Variants in CNTNAP2 observed in about 807,000 individuals in gnomAD.
CNTNAP2 encodes contactin-associated protein-like 2.
A neutral mutation model predicts 155.2 loss-of-function variants in CNTNAP2; 98 were observed. The observed-to-expected ratio is 0.63, with a 90% CI of 0.54 to 0.75. The LOEUF is 0.75. Ranked by LOEUF, CNTNAP2 falls within the 30% of genes least tolerant of loss-of-function variation. CNTNAP2 has a pLI of 0.00. For missense variants in CNTNAP2, 1,727 were observed against 1,688.1 expected, an observed-to-expected ratio of 1.02 and a Z score of -0.40; for synonymous variants, 651 against 631.2, an observed-to-expected ratio of 1.03 and a Z score of -0.47.
intron 12 of CNTNAP2, among the ~76,000 whole-genome samples, chr7:147,638,280 G>A (rs1795214934): frequency 6.6e-6 from 1 of 151,936 alleles, no homozygotes; most frequent in African/African-American, 2.4e-5. Flanking sequence ...ATTTCTCCAG[G>A]GATCCTAGTT....
Position 146,151,691 on chromosome 7 carries a change from T to TAA in CNTNAP2, c.97+34719_97+34720insAA, listed in dbSNP as rs1256935747. 2.8e-4 allele frequency among the ~76,000 whole-genome samples: 11 copies of TAA among 39,304 alleles called. 1 individual carries two copies. Among genetic ancestry groups the TAA allele is most frequent in the Non-Finnish European group, 4.0e-4 (8 of 19,980 alleles). 25.8% of individuals were successfully genotyped at this position (39,304 alleles called of 152,430 possible). A position where few individuals can be genotyped will look rare whatever the true frequency, so the allele number is the denominator to read the frequency against. On this transcript the variant is annotated intron_variant, in intron 1 of 23. Coordinates refer to ENST00000361727, the MANE Select transcript of CNTNAP2 (RefSeq NM_014141.6). The stretch of plus-strand genomic sequence containing the variant: ...ATATATATATATATATGTATATATA[T>TAA]ATATATGTATATATATATATATGTA...
chr7:146,310,720 G>T (rs1800805926), intron 1 of CNTNAP2, among the ~76,000 whole-genome samples: 1 of 152,040 alleles, frequency 6.6e-6, no homozygotes, highest in South Asian at 2.1e-4. Flanking sequence ...CTTGTAGTCA[G>T]ATAGCAGTGA....
chr7:147,229,121 A>G (rs531658899), intron 8 of CNTNAP2, among the ~76,000 whole-genome samples: 30 of 152,278 alleles, frequency 2.0e-4, no homozygotes, highest in African/African-American at 6.7e-4. Flanking sequence ...GAAAACCATT[A>G]CACTGGTTAA....
At chr7:147,614,594 T>A (rs1801246834) in intron 12 of CNTNAP2, among the ~76,000 whole-genome samples, 1 of 151,634 alleles carries the variant, frequency 6.6e-6, no homozygotes. Context: ...TCTCTACAAT[T>A]CTTAGGATAA....
chr7:148,166,871 G>A (rs566632284), intron 17 of CNTNAP2, among the ~76,000 whole-genome samples: 3 of 152,172 alleles, frequency 2.0e-5, no homozygotes, highest in Non-Finnish European at 2.9e-5. Context: ...TCTACAGAGC[G>A]CAGAAGTGGA....
At chr7:147,067,879 C>T (rs991465670) in intron 4 of CNTNAP2, among the ~76,000 whole-genome samples, 2 of 152,184 alleles carry the variant, frequency 1.3e-5, no homozygotes, top group Non-Finnish European at 2.9e-5. Flanking sequence ...TCTTATATGG[C>T]ACAATTTCCA....
At chr7:146,755,415 T>C (rs1401882407) in intron 1 of CNTNAP2, among the ~76,000 whole-genome samples, 5 of 152,022 alleles carry the variant, frequency 3.3e-5, no homozygotes, top group South Asian at 2.1e-4. Context: ...GTTATTGGTA[T>C]ACAGTGGCAT....
At chr7:147,747,879 C>A (rs1484320810) in intron 13 of CNTNAP2, among the ~76,000 whole-genome samples, 1 of 152,158 alleles carries the variant, frequency 6.6e-6, no homozygotes, top group African/African-American at 2.4e-5. Flanking sequence ...TCCTTGAGAG[C>A]AATTAATTAC....
At chr7:147,801,496 G>T (rs527986628) in intron 13 of CNTNAP2, among the ~76,000 whole-genome samples, 5 of 151,892 alleles carry the variant, frequency 3.3e-5, no homozygotes, top group South Asian at 2.1e-4. Context: ...GTGTCCCTGG[G>T]TACTTGAGAT....
intron 8 of CNTNAP2, among the ~76,000 whole-genome samples, chr7:147,140,966 A>C (rs1801580153): frequency 6.6e-6 from 1 of 152,134 alleles, no homozygotes; most frequent in Admixed American, 6.5e-5. Flanking sequence ...CCTCTTATCT[A>C]CTGCTAAGAT....
chr7:146,511,737 C>CT (rs1214607144), intron 1 of CNTNAP2, among the ~76,000 whole-genome samples: 1 of 152,038 alleles, frequency 6.6e-6, no homozygotes, highest in Non-Finnish European at 1.5e-5. Flanking sequence ...CTGCACTTTC[C>CT]TTTTTTGTGT....
chr7:147,003,779 T>G (rs1214432169), intron 3 of CNTNAP2, among the ~76,000 whole-genome samples: 1 of 151,952 alleles, frequency 6.6e-6, no homozygotes, highest in African/African-American at 2.4e-5. Context: ...AGCCCAGAGT[T>G]ACGGGAGGCT....
intron 1 of CNTNAP2, among the ~76,000 whole-genome samples, chr7:146,617,384 A>G (rs1053651559): frequency 6.6e-6 from 1 of 152,246 alleles, no homozygotes; most frequent in Non-Finnish European, 1.5e-5. Context: ...GAGAGGGAAC[A>G]TAGTTTTAAT....
intron 3 of CNTNAP2, among the ~76,000 whole-genome samples, chr7:146,991,432 G>C (rs189956462): frequency 6.6e-6 from 1 of 152,152 alleles, no homozygotes; most frequent in Non-Finnish European, 1.5e-5. Context: ...AACCCATGTG[G>C]TAACATATTT....
chr7:147,812,556 C>T (rs546194798), intron 13 of CNTNAP2, among the ~76,000 whole-genome samples: 28 of 151,424 alleles, frequency 1.8e-4, no homozygotes, highest in Non-Finnish European at 3.5e-4. Flanking sequence ...ACAATCACAA[C>T]GTGTCCACTC....
chr7:147,980,373 C>A (rs1019116670), intron 15 of CNTNAP2, among the ~76,000 whole-genome samples: 7 of 152,152 alleles, frequency 4.6e-5, no homozygotes, highest in African/African-American at 1.7e-4. Flanking sequence ...TCAAAATAAA[C>A]TTATTTATTC....
intron 3 of CNTNAP2, among the ~76,000 whole-genome samples, chr7:146,989,893 CAT>C (rs1386890373): frequency 2.0e-5 from 3 of 149,918 alleles, no homozygotes; most frequent in Admixed American, 1.3e-4. Context: ...CTTCCAAGCA[CAT>C]GTTTTGCTTT....
rs1220683693 is a variant in CNTNAP2 at position 147,759,290 on chromosome 7, A to G, written c.2098+119984A>G. On this transcript the variant is annotated intron_variant, in intron 13 of 23. Coordinates refer to ENST00000361727, the MANE Select transcript of CNTNAP2 (RefSeq NM_014141.6). Reference sequence around the variant, plus strand: ...TTTCTGCAGCCTGTTTCTCCAGACAACTCAAAATTGTCTGAATCCCATAAG... The same window carrying G: ...TTTCTGCAGCCTGTTTCTCCAGACAGCTCAAAATTGTCTGAATCCCATAAG... 3.3e-5 allele frequency among the ~76,000 whole-genome samples: 5 copies of G among 152,286 alleles called. No homozygotes were observed. The East Asian group carries it at 7.7e-4, about 24-fold the overall frequency.
chr7:146,344,937 A>G (rs1794797253), intron 1 of CNTNAP2, among the ~76,000 whole-genome samples: 1 of 152,214 alleles, frequency 6.6e-6, no homozygotes, highest in Admixed American at 6.5e-5. Flanking sequence ...GGCATTAACT[A>G]AGTTGAGAAA....
Sources: gnomAD v4.1 joint callset for allele counts (sites outside exome capture counted in the v4.1 genomes callset) on GRCh38, gnomAD v4.1.1 for gene constraint, MANE v1.5 for transcripts, NCBI Gene and HGNC (gene_info 2026-07-23, HGNC 2026-07-21) for gene names.